Variants in WWOX observed in about 807,000 individuals in gnomAD.
WWOX encodes the protein WW domain containing oxidoreductase.
WWOX carries 69 observed loss-of-function variants against 46.2 expected under a neutral mutation model. The ratio of observed to expected loss-of-function variants is 1.49; its 90% CI spans 1.23 to 1.82. The LOEUF (loss-of-function observed/expected upper bound fraction) is 1.82, where lower values mean the gene tolerates loss of function less well. Among genes scored for constraint, WWOX ranks in the 40% most tolerant of loss-of-function variants. WWOX has a pLI of 0.00. For synonymous variants in WWOX, 359 were observed against 202.6 expected (o/e 1.77, Z -6.56); for missense variants, 919 against 542.6 (o/e 1.69, Z -6.89).
chr16:78,233,414 A>G (rs2037332804), intron 5 of WWOX, among the ~76,000 whole-genome samples: 1 of 152,090 alleles, frequency 6.6e-6, no homozygotes, highest in Admixed American at 6.6e-5. Context: ...GACATTTTTA[A>G]CGTGCTGTGG....
chr16:78,532,808 A>G, intron 8 of WWOX, among the ~76,000 whole-genome samples: 1 of 152,146 alleles, frequency 6.6e-6, no homozygotes, highest in Admixed American at 6.5e-5. Context: ...TGCCTCCATG[A>G]TTCAGTTACC....
At position 78,708,365 on chromosome 16, in the gene WWOX, G is replaced by C. The variant is rs563247483; in HGVS notation, c.1056+275613G>C. ...TTATGTGAAACTCAAATTTTACTCGGCATCCTGTGTTTTTATTTGCTAGAC... is the reference window on the plus strand; with the variant it reads ...TTATGTGAAACTCAAATTTTACTCGCCATCCTGTGTTTTTATTTGCTAGAC... On this transcript the variant is annotated intron_variant, in intron 8 of 8. Coordinates refer to ENST00000566780, the MANE Select transcript of WWOX (RefSeq NM_016373.4). Among the ~76,000 whole-genome samples, 12 of 152,180 alleles carry C rather than the reference G, an allele frequency of 7.9e-5. 1 individual carries two copies. The highest frequency in any genetic ancestry group is 6.2e-4 in the South Asian group (3 of 4,820).
chr16:78,606,770 A>G (rs1409197610), intron 8 of WWOX, among the ~76,000 whole-genome samples: 1 of 149,440 alleles, frequency 6.7e-6, no homozygotes, highest in Non-Finnish European at 1.5e-5. Flanking sequence ...GTCATTCAGA[A>G]AGCCACAGGC....
chr16:78,522,246 G>C lies in WWOX; in HGVS notation c.1056+89494G>C, dbSNP rs1227589640. Among the ~76,000 whole-genome samples the C allele has an allele frequency of 2.0e-5, 3 of 151,796 alleles. No individual in the cohort carries two copies. In the East Asian group the frequency reaches 5.8e-4, roughly 29 times the overall value. On this transcript the variant is annotated intron_variant, in intron 8 of 8. Coordinates refer to ENST00000566780, the MANE Select transcript of WWOX (RefSeq NM_016373.4). Reference sequence around the variant, plus strand: ...TGTAGACTCATGAAACCTAGAAGGAGTTGAAAAATAAGGGTTAGGATTAAA... The same window carrying C: ...TGTAGACTCATGAAACCTAGAAGGACTTGAAAAATAAGGGTTAGGATTAAA...
At chr16:78,786,553 G>C (rs2050461953) in intron 8 of WWOX, among the ~76,000 whole-genome samples, 1 of 152,072 alleles carries the variant, frequency 6.6e-6, no homozygotes, top group Non-Finnish European at 1.5e-5. Context: ...GTTTTATTGA[G>C]ATGTATTTCA....
intron 8 of WWOX, among the ~76,000 whole-genome samples, chr16:79,073,484 T>G (rs1046694318): frequency 2.0e-5 from 3 of 152,094 alleles, no homozygotes; most frequent in Non-Finnish European, 4.4e-5. Flanking sequence ...CTGGCTTTGT[T>G]ATTATAGAGT....
intron 8 of WWOX, among the ~76,000 whole-genome samples, chr16:78,674,663 C>T (rs1234430055): frequency 6.6e-6 from 1 of 152,084 alleles, no homozygotes; most frequent in Non-Finnish European, 1.5e-5. Flanking sequence ...TTATCTCCTG[C>T]CCCATAACCT....
chr16:78,866,839 A>T (rs2075830), intron 8 of WWOX, among the ~76,000 whole-genome samples: 98,586 of 152,026 alleles, frequency 0.65, 32,049 homozygotes, highest in African/African-American at 0.68. Flanking sequence ...AGTTTTTCTT[A>T]AAATAGTAGG....
chr16:79,047,159 A>G (rs570136129), intron 8 of WWOX, among the ~76,000 whole-genome samples: 27 of 152,276 alleles, frequency 1.8e-4, no homozygotes, highest in African/African-American at 4.8e-4. Flanking sequence ...CATTCAGTCA[A>G]TAAATATTTA....
intron 5 of WWOX, among the ~76,000 whole-genome samples, chr16:78,378,977 G>A (rs1430976298): frequency 1.3e-5 from 2 of 152,282 alleles, no homozygotes; most frequent in East Asian, 1.9e-4. Flanking sequence ...TGGCAGTCAT[G>A]TGACGACATG....
At chr16:79,087,257 G>A (rs1214173304) in intron 8 of WWOX, among the ~76,000 whole-genome samples, 3 of 152,228 alleles carry the variant, frequency 2.0e-5, no homozygotes, top group East Asian at 1.9e-4. Context: ...CCCCAGCCAG[G>A]AGCGTGTGAA....
At chr16:78,883,849 A>T (rs1234076905) in intron 8 of WWOX, among the ~76,000 whole-genome samples, 1 of 152,212 alleles carries the variant, frequency 6.6e-6, no homozygotes, top group Non-Finnish European at 1.5e-5. Context: ...AGTTTCCTGT[A>T]ATACTAATAT....
intron 8 of WWOX, among the ~76,000 whole-genome samples, chr16:78,667,109 C>T (rs114465376): frequency 0.017 from 2,576 of 152,248 alleles, 63 homozygotes; most frequent in African/African-American, 0.058. Context: ...AATTCAGTCA[C>T]GTCTTAAATA....
chr16:78,336,036 G>C (rs780903217), intron 5 of WWOX, among the ~76,000 whole-genome samples: 2 of 151,994 alleles, frequency 1.3e-5, no homozygotes, highest in African/African-American at 2.4e-5. Context: ...ATGTTGCAGT[G>C]AGCCGAGATC....
At chr16:78,623,360 T>C (rs966825728) in intron 8 of WWOX, among the ~76,000 whole-genome samples, 5 of 152,066 alleles carry the variant, frequency 3.3e-5, no homozygotes, top group African/African-American at 1.2e-4. Flanking sequence ...AGAGGAGAGA[T>C]GGGAATTTGA....
intron 8 of WWOX, among the ~76,000 whole-genome samples, chr16:78,910,157 C>G (rs2045070929): frequency 6.7e-6 from 1 of 148,250 alleles, no homozygotes; most frequent in African/African-American, 2.4e-5. Flanking sequence ...GATGCTTTTT[C>G]TCCCTTTTTG....
rs758799029 is a variant in WWOX, at chr16:78,432,599, C to A, written c.903C>A (p.Ile301=). 6.2e-7 allele frequency: 1 copy of A among 1,614,230 alleles called. No individual in the cohort carries two copies. The change falls in exon 8 of 9, where the codon ATC becomes ATA. Residue 301 remains isoleucine (I), a synonymous_variant. Coordinates refer to ENST00000566780, the MANE Select transcript of WWOX (RefSeq NM_016373.4). ...ATAACAGGTCCAAGCTCTGCAACAT[C>A]CTCTTCTCCAACGAGCTGCACCGTC... ...LAYNRSKLCN[I]LFSNELHRRL...
Position 78,436,026 on chromosome 16 carries a change from G to A in WWOX, c.1056+3274G>A, listed in dbSNP as rs144584355. ...AATTTGATTCCATGTTTGTTAATTC[G>A]AACTGAAAAACACCACGTGTGCCAA... On this transcript the variant is annotated intron_variant, in intron 8 of 8. Coordinates refer to ENST00000566780, the MANE Select transcript of WWOX (RefSeq NM_016373.4). Among the ~76,000 whole-genome samples, 70 of 152,186 alleles carry A rather than the reference G, an allele frequency of 4.6e-4. 1 individual carries two copies. Among genetic ancestry groups the A allele is most frequent in the African/African-American group, 1.5e-3 (62 of 41,524 alleles).
chr16:78,331,065 G>A (rs1046349777), intron 5 of WWOX, among the ~76,000 whole-genome samples: 1 of 152,108 alleles, frequency 6.6e-6, no homozygotes, highest in Admixed American at 6.5e-5. Context: ...ATTTGTTTCT[G>A]CCCCCCAAAA....
Sources: allele counts gnomAD v4.1 joint callset (sites outside exome capture counted in the v4.1 genomes callset), GRCh38; gene constraint gnomAD v4.1.1; transcripts MANE v1.5; gene names NCBI Gene and HGNC (gene_info 2026-07-23, HGNC 2026-07-21).